The following ADAMTS16 variants were observed in gnomAD, a reference collection of about 807,000 sequenced individuals.
ADAMTS16 encodes ADAM metallopeptidase with thrombospondin type 1 motif 16.
A neutral mutation model predicts 145.8 loss-of-function variants in ADAMTS16; 94 were observed. That is an observed-to-expected ratio of 0.64 (90% CI 0.55 to 0.77). The LOEUF (loss-of-function observed/expected upper bound fraction) is 0.77, where lower values mean the gene tolerates loss of function less well. ADAMTS16 is among the 30% of genes least tolerant of loss of function. The probability of loss-of-function intolerance (pLI) is 0.00; values close to 1 mark genes in which losing one functional copy is unlikely to be tolerated. For missense variants in ADAMTS16, 1,585 were observed against 1,591.5 expected (o/e 1.00, Z 0.07); for synonymous variants, 659 against 604.3 (o/e 1.09, Z -1.33).
intron 11 of ADAMTS16, chr5:5,223,617 T>C (rs1736672623): frequency 6.6e-6 from 1 of 152,054 alleles, no homozygotes. Flanking sequence ...AATCTGCACA[T>C]GTACCCCTGA....
Position 5,244,328 on chromosome 5 carries a change from A to G in ADAMTS16, c.2662+2137A>G, listed in dbSNP as rs182944081. Among the ~76,000 whole-genome samples the G allele has an allele frequency of 1.1e-3, 172 of 152,330 alleles. 1 individual carries two copies. The highest frequency in any genetic ancestry group is 6.8e-3 in the Middle Eastern group (2 of 294). ...CCTAGTATCCCCAGAATTACTTTCT[A>G]TAGAAGCAAGATGAAAGCAAGAAGC... On this transcript the variant is annotated intron_variant, in intron 17 of 22. Coordinates refer to ENST00000274181, the MANE Select transcript of ADAMTS16 (RefSeq NM_139056.4).
intron 17 of ADAMTS16, among the ~76,000 whole-genome samples, chr5:5,244,556 A>AT (rs1239447984): frequency 6.6e-6 from 1 of 152,166 alleles, no homozygotes; most frequent in East Asian, 1.9e-4. Context: ...ATGAATACCA[A>AT]TGCCTGGAAG....
chr5:5,152,259 G>A (rs927864202), intron 3 of ADAMTS16, among the ~76,000 whole-genome samples: 2 of 152,214 alleles, frequency 1.3e-5, no homozygotes, highest in African/African-American at 4.8e-5. Flanking sequence ...AGAATGGCTT[G>A]CTTCTCCCAC....
intron 3 of ADAMTS16, among the ~76,000 whole-genome samples, chr5:5,157,226 C>A (rs376612552): frequency 6.6e-6 from 1 of 151,240 alleles, no homozygotes. Context: ...TATATAGAAA[C>A]TAAATATATA....
chr5:5,254,307 C>T (rs1737716995), intron 17 of ADAMTS16, among the ~76,000 whole-genome samples: 1 of 152,148 alleles, frequency 6.6e-6, no homozygotes, highest in African/African-American at 2.4e-5. Context: ...CATAAGCTTT[C>T]CCGTTGTCAT....
At chr5:5,150,554 T>C (rs1249956488) in intron 3 of ADAMTS16, among the ~76,000 whole-genome samples, 1 of 152,352 alleles carries the variant, frequency 6.6e-6, no homozygotes, top group African/African-American at 2.4e-5. Flanking sequence ...CATGACGTGC[T>C]GGACAAGTTC....
chr5:5,154,927 G>A (rs1734564186), intron 3 of ADAMTS16, among the ~76,000 whole-genome samples: 2 of 152,076 alleles, frequency 1.3e-5, no homozygotes, highest in African/African-American at 4.8e-5. Context: ...TAACTCTCGG[G>A]GATGATACAG....
chr5:5,236,848 T>C, intron 13 of ADAMTS16, 121 bp from the exon 14 acceptor site: 2 of 1,246,390 alleles, frequency 1.6e-6, no homozygotes, highest in Non-Finnish European at 2.2e-6. Context: ...CATTGTAATG[T>C]ATTATTGTGT....
At chr5:5,303,150 A>G in intron 18 of ADAMTS16, 118 bp from the exon 19 acceptor site, 2 of 1,116,296 alleles carry the variant, frequency 1.8e-6, no homozygotes, top group Non-Finnish European at 2.5e-6. Flanking sequence ...ACTGAAAATA[A>G]CGGCACACAC....
chr5:5,215,870 GTATATATA>G lies in ADAMTS16; in HGVS notation c.1605+6662_1605+6669del, dbSNP rs55703329. Reference sequence around the variant, plus strand: ...ATATATATATATGTGGTGTGTATGTGTATATATATATATATATATATATATATATATAT... The same window carrying G: ...ATATATATATATGTGGTGTGTATGTGTATATATATATATATATATATATAT... On this transcript the variant is annotated intron_variant, in intron 10 of 22. Coordinates refer to ENST00000274181, the MANE Select transcript of ADAMTS16 (RefSeq NM_139056.4). Among the ~76,000 whole-genome samples, 480 of 101,572 alleles carry G rather than the reference GTATATATA, an allele frequency of 4.7e-3. 5 individuals carry two copies. Among genetic ancestry groups the G allele is most frequent in the East Asian group, 9.5e-3 (37 of 3,914 alleles). 66.6% of individuals were successfully genotyped at this position (101,572 alleles called of 152,430 possible). A position where few individuals can be genotyped will look rare whatever the true frequency, so the allele number is the denominator to read the frequency against.
chr5:5,231,994 G>T (rs961555802), intron 11 of ADAMTS16, among the ~76,000 whole-genome samples: 4 of 152,196 alleles, frequency 2.6e-5, no homozygotes, highest in Admixed American at 1.3e-4. Flanking sequence ...TTCTGAACAT[G>T]AGATGTGAAA....
At chr5:5,203,081 G>A (rs1350089240) in intron 9 of ADAMTS16, among the ~76,000 whole-genome samples, 1 of 152,152 alleles carries the variant, frequency 6.6e-6, no homozygotes, top group Non-Finnish European at 1.5e-5. Context: ...CACTACTGTA[G>A]CATTTCAATG....
At chr5:5,207,443 C>T (rs1736158518) in intron 9 of ADAMTS16, among the ~76,000 whole-genome samples, 1 of 152,060 alleles carries the variant, frequency 6.6e-6, no homozygotes, top group Non-Finnish European at 1.5e-5. Context: ...TTGGTGGATT[C>T]TTTCAAATTT....
At chr5:5,155,443 C>T (rs868713454) in intron 3 of ADAMTS16, among the ~76,000 whole-genome samples, 60 of 152,306 alleles carry the variant, frequency 3.9e-4, no homozygotes, top group African/African-American at 1.4e-3. Context: ...TAATACAATG[C>T]ATTATGTAGG....
At chr5:5,295,780 C>T (rs937027773) in intron 18 of ADAMTS16, among the ~76,000 whole-genome samples, 3 of 152,204 alleles carry the variant, frequency 2.0e-5, no homozygotes, top group Admixed American at 6.5e-5. Flanking sequence ...TACTCTAGTG[C>T]TCTGCCCTCC....
At chr5:5,314,175 A>C (rs994347759) in intron 21 of ADAMTS16, among the ~76,000 whole-genome samples, 2 of 152,204 alleles carry the variant, frequency 1.3e-5, no homozygotes, top group African/African-American at 4.8e-5. Context: ...GCAGGGCAGA[A>C]GCTCTAAGCT....
At chr5:5,140,987 G>A (rs1734151825) in intron 2 of ADAMTS16, among the ~76,000 whole-genome samples, 1 of 152,082 alleles carries the variant, frequency 6.6e-6, no homozygotes. Flanking sequence ...GTTTGCCAGA[G>A]TTATTGATAT....
intron 17 of ADAMTS16, among the ~76,000 whole-genome samples, chr5:5,247,291 T>G (rs1489987363): frequency 2.0e-5 from 3 of 152,152 alleles, no homozygotes; most frequent in African/African-American, 7.2e-5. Context: ...GCTGATCTAC[T>G]AAAAACGTCT....
chr5:5,267,269 G>A (rs1056940195), intron 18 of ADAMTS16, among the ~76,000 whole-genome samples: 14 of 152,138 alleles, frequency 9.2e-5, no homozygotes, highest in Non-Finnish European at 4.4e-5. Flanking sequence ...TAAGTTTGTC[G>A]TCCCTGGGCA....
Sources: allele counts gnomAD v4.1 joint callset (sites outside exome capture counted in the v4.1 genomes callset), GRCh38; gene constraint gnomAD v4.1.1; transcripts MANE v1.5; gene names NCBI Gene and HGNC (gene_info 2026-07-23, HGNC 2026-07-21).